The following GALNT2 variants were observed in gnomAD, a reference collection of about 807,000 sequenced individuals.
The protein encoded by GALNT2 is polypeptide N-acetylgalactosaminyltransferase 2.
Under a neutral mutation model 81.4 loss-of-function variants are expected in GALNT2, and 31 were observed. That is an observed-to-expected ratio of 0.38 (90% CI 0.29 to 0.51). The LOEUF (loss-of-function observed/expected upper bound fraction) is 0.51. GALNT2 is among the 20% of genes least tolerant of loss of function. The probability of loss-of-function intolerance (pLI) is 0.87; values close to 1 mark genes in which losing one functional copy is unlikely to be tolerated. For synonymous variants in GALNT2, 303 were observed against 287.4 expected (o/e 1.05, Z -0.55); for missense variants, 629 against 765.7 (o/e 0.82, Z 2.11).
At chr1:230,082,585 T>C (rs1659768207) in intron 1 of GALNT2, among the ~76,000 whole-genome samples, 2 of 152,266 alleles carry the variant, frequency 1.3e-5, no homozygotes, top group Admixed American at 6.5e-5. Context: ...TTTTATCACT[T>C]CTGTATCATT....
chr1:230,112,384 G>GT (rs1553257389), intron 1 of GALNT2, among the ~76,000 whole-genome samples: 1 of 51,132 alleles, frequency 2.0e-5, no homozygotes, highest in African/African-American at 1.1e-4. Context: ...CGCCGGGGGA[G>GT]GGGGGGGGCC....
chr1:230,200,298 G>A (rs1257719726), intron 2 of GALNT2, among the ~76,000 whole-genome samples: 4 of 152,034 alleles, frequency 2.6e-5, no homozygotes, highest in South Asian at 2.1e-4. Context: ...GCCTGGCCTC[G>A]TGATCCACCT....
intron 1 of GALNT2, among the ~76,000 whole-genome samples, chr1:230,077,562 A>G (rs1328637078): frequency 1.3e-5 from 2 of 152,212 alleles, no homozygotes; most frequent in African/African-American, 2.4e-5. Flanking sequence ...CAATTTTTCC[A>G]TATATCACTC....
At chr1:230,101,071 A>G (rs1414742651) in intron 1 of GALNT2, among the ~76,000 whole-genome samples, 1 of 152,252 alleles carries the variant, frequency 6.6e-6, no homozygotes, top group Non-Finnish European at 1.5e-5. Flanking sequence ...AGGCTGTACC[A>G]TCTAGCCTAG....
intron 1 of GALNT2, among the ~76,000 whole-genome samples, chr1:230,090,953 A>G (rs934819955): frequency 2.0e-5 from 3 of 152,214 alleles, no homozygotes; most frequent in East Asian, 1.9e-4. Context: ...TACATGCATC[A>G]GAATTGTAAG....
intron 1 of GALNT2, among the ~76,000 whole-genome samples, chr1:230,129,811 C>T (rs538038171): frequency 1.3e-5 from 2 of 152,328 alleles, no homozygotes; most frequent in East Asian, 1.9e-4. Context: ...GACTGGTTGA[C>T]CTGACACTGA....
In GALNT2 at chr1:230,135,330, C is replaced by T. The variant is rs755589498; in HGVS notation, c.127-42888C>T. On this transcript the variant is annotated intron_variant, in intron 1 of 15. Coordinates refer to ENST00000366672, the MANE Select transcript of GALNT2 (RefSeq NM_004481.5). ...ACAGAATCTTCATTTTGGGCCGATT[C>T]CTGTGGCTCTATTTTCTCTTTGTAA... Among the ~76,000 whole-genome samples the T allele has an allele frequency of 7.6e-4, 116 of 152,126 alleles. 1 individual carries two copies. The highest frequency in any genetic ancestry group is 1.3e-4 in the Non-Finnish European group (9 of 68,034).
chr1:230,087,767 T>C (rs530441637), intron 1 of GALNT2, among the ~76,000 whole-genome samples: 55 of 152,342 alleles, frequency 3.6e-4, no homozygotes, highest in Admixed American at 2.9e-3. Context: ...TTTTGAGGGC[T>C]CTGAGCTTGA....
Position 230,257,234 on chromosome 1 carries a change from A to G in GALNT2, c.1136+1890A>G, listed in dbSNP as rs186246190. Among the ~76,000 whole-genome samples the G allele has an allele frequency of 2.8e-3, 430 of 152,278 alleles. 4 individuals carry two copies. Among genetic ancestry groups the G allele is most frequent in the Non-Finnish European group, 3.3e-3 (226 of 68,026 alleles). On this transcript the variant is annotated intron_variant, in intron 11 of 15. Coordinates refer to ENST00000366672, the MANE Select transcript of GALNT2 (RefSeq NM_004481.5). The surrounding 1 kb of genome is among the most constrained non-coding windows in gnomAD (Gnocchi z 4.6). ...TGTTTTATGCTTTGGAAAGGTCCGTATGGTTGCTGGGCAGAGGGTGGCCAG... is the reference window on the plus strand; with the variant it reads ...TGTTTTATGCTTTGGAAAGGTCCGTGTGGTTGCTGGGCAGAGGGTGGCCAG...
chr1:230,081,624 G>GC (rs1192706213), intron 1 of GALNT2, among the ~76,000 whole-genome samples: 2 of 152,166 alleles, frequency 1.3e-5, no homozygotes, highest in Non-Finnish European at 2.9e-5. Flanking sequence ...ATGCAACAAA[G>GC]CCCCCCTGTG....
chr1:230,128,092 G>T (rs1041774530), intron 1 of GALNT2, among the ~76,000 whole-genome samples: 9 of 152,154 alleles, frequency 5.9e-5, no homozygotes, highest in African/African-American at 2.2e-4. Flanking sequence ...TGCAGGAAGG[G>T]TGTCTGAATC....
intron 3 of GALNT2, among the ~76,000 whole-genome samples, chr1:230,204,427 C>G (rs1664000718): frequency 6.6e-6 from 1 of 152,184 alleles, no homozygotes; most frequent in African/African-American, 2.4e-5. Context: ...CCTCGGCCTC[C>G]CAAAGTGCTG....
At chr1:230,215,801 T>C (rs537726306) in intron 3 of GALNT2, among the ~76,000 whole-genome samples, 206 of 152,306 alleles carry the variant, frequency 1.4e-3, no homozygotes, top group Admixed American at 4.3e-3. Flanking sequence ...TTTATTAGGC[T>C]CAGATGTACA....
chr1:230,140,446 A>G lies in GALNT2; in HGVS notation c.127-37772A>G, dbSNP rs538889570. On this transcript the variant is annotated intron_variant, in intron 1 of 15. Coordinates refer to ENST00000366672, the MANE Select transcript of GALNT2 (RefSeq NM_004481.5). ...CCCTGGACAGCAGTGCCTAGGTGAC[A>G]GAGAGTGGTCCCTGTCCTACTGAGG... Among the ~76,000 whole-genome samples the G allele has an allele frequency of 1.4e-4, 21 of 152,334 alleles. No individual in the cohort carries two copies. The South Asian group carries it at 4.1e-3, about 30-fold the overall frequency.
rs528642821 is a variant in GALNT2 at position 230,193,948 on chromosome 1, A to G, written c.221-9189A>G. On this transcript the variant is annotated intron_variant, in intron 2 of 15. Transcript: ENST00000366672. This position sits in a 1 kb window ranked among gnomAD's most constrained non-coding sequence, Gnocchi z 4.3. ...TGCTCAGCCTCCACTCCCAGGCACC[A>G]TGGACCGTTACAGTCGCCAGCCACT... Among the ~76,000 whole-genome samples the G allele has an allele frequency of 1.2e-4, 18 of 152,288 alleles. No individual in the cohort carries two copies. The South Asian group carries it at 3.5e-3, about 30-fold the overall frequency.
chr1:230,090,222 A>T (rs187787884), intron 1 of GALNT2, among the ~76,000 whole-genome samples: 4 of 152,128 alleles, frequency 2.6e-5, no homozygotes, highest in Non-Finnish European at 5.9e-5. Flanking sequence ...ATCCCAGGCA[A>T]CCTCTTCTGG....
chr1:230,135,945 C>T (rs1021210997), intron 1 of GALNT2, among the ~76,000 whole-genome samples: 3 of 151,988 alleles, frequency 2.0e-5, no homozygotes. Context: ...TCCCCACCTC[C>T]GCCTCCCAAA....
intron 1 of GALNT2, 60 bp downstream of exon 1, chr1:230,067,466 G>T: frequency 1.5e-6 from 1 of 653,212 alleles, no homozygotes. Context: ...CTGCGCCCCT[G>T]TCCCCTGCCC....
intron 2 of GALNT2, among the ~76,000 whole-genome samples, chr1:230,189,778 T>C (rs1282288683): frequency 6.6e-6 from 1 of 152,232 alleles, no homozygotes; most frequent in Non-Finnish European, 1.5e-5. Context: ...TCTTGCAAAA[T>C]GGAAACTGTA....
Sources: allele counts gnomAD v4.1 joint callset (sites outside exome capture counted in the v4.1 genomes callset), GRCh38; gene constraint gnomAD v4.1.1; non-coding constraint Gnocchi (gnomAD v3.1); transcripts MANE v1.5; gene names NCBI Gene and HGNC (gene_info 2026-07-23, HGNC 2026-07-21).